The following LIPK variants were observed in gnomAD, a reference collection of about 807,000 sequenced individuals.
LIPK encodes the protein lipase family member K.
A neutral mutation model predicts 48.6 loss-of-function variants in LIPK; 32 were observed. The ratio of observed to expected loss-of-function variants is 0.66; its 90% confidence interval spans 0.50 to 0.88. LIPK has a LOEUF of 0.88. Ranked by LOEUF, LIPK falls within the 40% of genes least tolerant of loss-of-function variation. The pLI, the probability that LIPK is intolerant of heterozygous loss-of-function variation, is 0.00. For synonymous variants in LIPK, 164 were observed against 157.4 expected (o/e 1.04, Z -0.32); for missense variants, 507 against 478.5 (o/e 1.06, Z -0.56).
Position 88,740,014 on chromosome 10 carries a change from T to G in LIPK, c.835T>G (p.Leu279Val). The G allele has an allele frequency of 6.2e-7, 1 of 1,612,586 alleles. No individual in the cohort carries two copies. ...TTTGCAGAGTCGCTTGGATGTTTAT[T>G]TGTCACACAATCCTGCGGGAACATC... is the stretch of plus-strand genomic sequence containing the variant. Reference protein sequence around the residue: ...NLNMSRLDVYLSHNPAGTSVQ... With the variant: ...NLNMSRLDVYVSHNPAGTSVQ... The change falls in exon 8 of 10, where the codon TTG becomes GTG. Residue 279 changes from leucine (L) to valine (V), a missense_variant. Transcript: ENST00000404190.
intron 2 of LIPK, 123 bp downstream of exon 2, chr10:88,724,771 C>T (rs1202449915): frequency 1.5e-6 from 1 of 649,692 alleles, no homozygotes; most frequent in African/African-American, 1.9e-5. Context: ...TCTGTGCTTC[C>T]TCTCCTGTTT....
chr10:88,732,637 C>T (rs1210775775), intron 6 of LIPK, 86 bp downstream of exon 6: 2 of 1,360,720 alleles, frequency 1.5e-6, no homozygotes, highest in East Asian at 4.6e-5. Context: ...TGACATTTTA[C>T]AAACTTCTGA....
intron 1 of LIPK, among the ~76,000 whole-genome samples, chr10:88,717,000 G>A (rs1376813442): frequency 6.6e-6 from 1 of 152,114 alleles, no homozygotes; most frequent in Non-Finnish European, 1.5e-5. Context: ...CAAGGAGAAT[G>A]GGGAAAGAGA....
At chr10:88,720,864 G>T (rs984403902) in intron 1 of LIPK, among the ~76,000 whole-genome samples, 1 of 151,862 alleles carries the variant, frequency 6.6e-6, no homozygotes, top group Non-Finnish European at 1.5e-5. Flanking sequence ...ATGGCAATGT[G>T]AAAAGCTGAT....
chr10:88,712,685 G>A (rs1435107557), intron 1 of LIPK, among the ~76,000 whole-genome samples: 2 of 152,058 alleles, frequency 1.3e-5, no homozygotes, highest in Admixed American at 6.5e-5. Flanking sequence ...AGCTTTTGCA[G>A]GGATTTATCT....
intron 6 of LIPK, among the ~76,000 whole-genome samples, chr10:88,733,452 C>T (rs1002688283): frequency 3.3e-5 from 5 of 152,132 alleles, no homozygotes; most frequent in Non-Finnish European, 7.4e-5. Flanking sequence ...GAAGATTTAC[C>T]GAAGATTCTC....
intron 9 of LIPK, among the ~76,000 whole-genome samples, chr10:88,751,714 G>A (rs1842866401): frequency 6.6e-6 from 1 of 152,150 alleles, no homozygotes; most frequent in Non-Finnish European, 1.5e-5. Context: ...TCAGAATACG[G>A]TTGTCTCTTG....
chr10:88,740,184 T>C (rs890193671), intron 8 of LIPK, 117 bp downstream of exon 8: 2 of 572,304 alleles, frequency 3.5e-6, no homozygotes, highest in Admixed American at 6.1e-5. Context: ...CATTGATGTT[T>C]TTGGAATCAG....
intron 7 of LIPK, among the ~76,000 whole-genome samples, chr10:88,738,301 T>C (rs1297385813): frequency 6.6e-6 from 1 of 152,120 alleles, no homozygotes; most frequent in Non-Finnish European, 1.5e-5. Context: ...TAATTTCTAA[T>C]TTAACTGAGA....
intron 7 of LIPK, 77 bp from the exon 8 acceptor site, chr10:88,739,919 T>G (rs931732422): frequency 2.3e-6 from 2 of 865,630 alleles, no homozygotes; most frequent in Admixed American, 2.4e-5. Context: ...AGAAGAAACT[T>G]TTTAAATTTC....
At chr10:88,743,445 A>G in intron 9 of LIPK, 124 bp downstream of exon 9, 2 of 647,384 alleles carry the variant, frequency 3.1e-6, no homozygotes, top group Non-Finnish European at 5.4e-6. Flanking sequence ...CTGTTCTCAC[A>G]GGCTGCTTAT....
At chr10:88,738,460 C>A (rs939601942) in intron 7 of LIPK, among the ~76,000 whole-genome samples, 1 of 152,178 alleles carries the variant, frequency 6.6e-6, no homozygotes, top group Non-Finnish European at 1.5e-5. Flanking sequence ...CAGTAGAAAG[C>A]ACTGATTAAA....
At chr10:88,749,775 A>ATTTCATGATAAAGGT (rs1842833098) in intron 9 of LIPK, among the ~76,000 whole-genome samples, 7 of 152,122 alleles carry the variant, frequency 4.6e-5, no homozygotes, top group East Asian at 1.9e-4. Flanking sequence ...AGATGCCAAA[A>ATTTCATGATAAAGGT]GTAATTGCAA....
At chr10:88,715,899 G>A (rs2134691611) in intron 1 of LIPK, among the ~76,000 whole-genome samples, 1 of 151,730 alleles carries the variant, frequency 6.6e-6, no homozygotes. Context: ...TTTAAAATAT[G>A]CCTACCTCAA....
At chr10:88,740,476 T>C (rs986206759) in intron 8 of LIPK, among the ~76,000 whole-genome samples, 1 of 152,220 alleles carries the variant, frequency 6.6e-6, no homozygotes, top group South Asian at 2.1e-4. Flanking sequence ...TCAGAGAAGA[T>C]TGAATGCTAG....
intron 9 of LIPK, among the ~76,000 whole-genome samples, chr10:88,745,015 G>A (rs1842742987): frequency 6.6e-6 from 1 of 152,100 alleles, no homozygotes; most frequent in Admixed American, 6.5e-5. Flanking sequence ...AATAGACCAA[G>A]CTTAGGAAAA....
At chr10:88,739,210 T>C (rs759568864) in intron 7 of LIPK, among the ~76,000 whole-genome samples, 24 of 152,234 alleles carry the variant, frequency 1.6e-4, no homozygotes, top group Non-Finnish European at 3.2e-4. Context: ...CAGAGTCCTG[T>C]AGAATACTCA....
chr10:88,728,038 G>A (rs1204110261), intron 3 of LIPK: 1 of 359,588 alleles, frequency 2.8e-6, no homozygotes, highest in Non-Finnish European at 5.6e-6. Context: ...GCTGGTGGAG[G>A]ACTTCAAGAG....
chr10:88,740,332 CT>C (rs1448817322), intron 8 of LIPK, among the ~76,000 whole-genome samples: 2 of 152,160 alleles, frequency 1.3e-5, no homozygotes, highest in East Asian at 3.8e-4. Flanking sequence ...TAAGGGAAGA[CT>C]TTTATTTCCT....
Sources: allele counts gnomAD v4.1 joint callset (sites outside exome capture counted in the v4.1 genomes callset), GRCh38; gene constraint gnomAD v4.1.1; transcripts MANE v1.5; gene names NCBI Gene and HGNC (gene_info 2026-07-23, HGNC 2026-07-21).